The following MXD3 variants were observed in gnomAD, a reference collection of about 807,000 sequenced individuals.
MXD3 encodes the protein Max-associated protein 3.
A neutral mutation model predicts 27.5 loss-of-function variants in MXD3; 20 were observed. The ratio of observed to expected loss-of-function variants is 0.73; its 90% CI spans 0.51 to 1.06. MXD3 has a LOEUF of 1.06. MXD3 is among the 50% of genes least tolerant of loss of function. The probability of loss-of-function intolerance (pLI) is 0.00; values close to 1 mark genes in which losing one functional copy is unlikely to be tolerated. For synonymous variants in MXD3, 150 were observed against 130.7 expected (o/e 1.15, Z -1.01); for missense variants, 298 against 291.3 (o/e 1.02, Z -0.17).
upstream of MXD3, chr5:177,311,961 C>T: frequency 7.5e-7 from 1 of 1,332,374 alleles, no homozygotes. Context: ...ACGCCCCGCC[C>T]GCGGGAACGC....
In MXD3 at chr5:177,311,374, C is replaced by G. The variant is rs1162629816; in HGVS notation, c.176+5G>C. 1.4e-6 allele frequency: 2 copies of G among 1,438,824 alleles called. No homozygotes were observed. Among genetic ancestry groups the G allele is most frequent in the Admixed American group, 7.1e-5 (2 of 28,024 alleles). 89.1% of individuals were successfully genotyped at this position (1,438,824 alleles called of 1,614,324 possible). The stretch of plus-strand genomic sequence containing the variant: ...CCCCACTCCCGCCGCCCCCGGCCTC[C>G]TCACCGCCCGCTGTCCTGCGCGCCA... On this transcript the variant is annotated splice_donor_5th_base_variant and intron_variant, in intron 2 of 5. Coordinates refer to ENST00000439742, the MANE Select transcript of MXD3 (RefSeq NM_031300.4).
rs776603993 is a variant in MXD3 at position 177,310,524 on chromosome 5, G to A, written c.223C>T (p.Arg75Trp). ...TGCTGCTTCAGCCGCTCCAGGCACC[G>A]CTTCAACTGGGCCCTCCTGTGGGGA... ...LEKRRRAQLK[R>W]CLERLKQQMP... Residue 75 changes from arginine (R) to tryptophan (W), a missense_variant, in exon 4 of 6, where the codon CGG becomes TGG. Transcript: ENST00000439742. The A allele has an allele frequency of 1.3e-5, 21 of 1,611,058 alleles. No individual in the cohort carries two copies. Among genetic ancestry groups the A allele is most frequent in the Admixed American group, 1.0e-4 (6 of 59,622 alleles).
In MXD3 at chr5:177,311,058, C is replaced by A. The variant is rs959878631; in HGVS notation, c.176+321G>T. On this transcript the variant is annotated intron_variant, in intron 2 of 5. Coordinates refer to ENST00000439742, the MANE Select transcript of MXD3 (RefSeq NM_031300.4). Reference sequence around the variant, plus strand: ...AGGAGGGAACAGCATATGCAAAGGGCTGGGGAGAGGAGAGAAGAGGAGGAA... The same window carrying A: ...AGGAGGGAACAGCATATGCAAAGGGATGGGGAGAGGAGAGAAGAGGAGGAA... 25 of 545,528 alleles carry A rather than the reference C, an allele frequency of 4.6e-5. No individual in the cohort carries two copies. In the East Asian group the frequency reaches 7.3e-4, roughly 16 times the overall value. 33.8% of individuals were successfully genotyped at this position (545,528 alleles called of 1,614,324 possible). A position where few individuals can be genotyped will look rare whatever the true frequency, so the allele number is the denominator to read the frequency against.
downstream of MXD3, chr5:177,305,588 A>G (rs1267108038): frequency 2.3e-6 from 1 of 441,828 alleles, no homozygotes; most frequent in South Asian, 2.3e-5. Context: ...GTCTAGATGC[A>G]CAAAACAAAA....
chr5:177,305,837 G>C (rs531334175), downstream of MXD3: 18 of 1,582,658 alleles, frequency 1.1e-5, 1 homozygote, highest in South Asian at 1.8e-4. Flanking sequence ...CAAAATGAAA[G>C]ACTGTTCCAC....
downstream of MXD3, chr5:177,306,990 C>CTT: frequency 3.6e-6 from 5 of 1,381,670 alleles, no homozygotes; most frequent in Non-Finnish European, 4.8e-6. Context: ...TGGTTTGAAT[C>CTT]TTGGCTTCAC....
At chr5:177,308,342 C>T (rs1033025776) in intron 4 of MXD3, among the ~76,000 whole-genome samples, 1 of 151,800 alleles carries the variant, frequency 6.6e-6, no homozygotes. Context: ...GAAACAGGCC[C>T]GGTGTTACCA....
At chr5:177,306,100 A>G, downstream of MXD3, 5 of 1,611,782 alleles carry the variant, frequency 3.1e-6, no homozygotes, top group Middle Eastern at 1.7e-4. Flanking sequence ...CATGCCAGGA[A>G]TTTGGTCTTG....
At chr5:177,311,005 C>T (rs891429232) in intron 2 of MXD3, 2 of 576,144 alleles carry the variant, frequency 3.5e-6, no homozygotes, top group South Asian at 4.2e-5. Flanking sequence ...GTTTCCCAAG[C>T]CGGTACTGGA....
chr5:177,311,348 C>T (rs996639814), intron 2 of MXD3, 31 bp downstream of exon 2: 28 of 1,374,968 alleles, frequency 2.0e-5, no homozygotes, highest in Admixed American at 1.4e-4. Flanking sequence ...CCCACCCCCA[C>T]CCCCACTCCC....
upstream of MXD3, chr5:177,312,290 G>T (rs1159128744): frequency 1.0e-6 from 1 of 986,450 alleles, no homozygotes; most frequent in Non-Finnish European, 1.2e-6. Context: ...TGGGTGCCGC[G>T]GGGGCGGGGC....
At chr5:177,311,037 G>A in intron 2 of MXD3, 1 of 566,138 alleles carries the variant, frequency 1.8e-6, no homozygotes, top group Non-Finnish European at 3.1e-6. Context: ...TCAAATAGGA[G>A]GGAACAGCAT....
Position 177,311,456 on chromosome 5 carries a change from G to C in MXD3, c.99C>G (p.Cys33Trp). The change falls in exon 2 of 6, where the codon TGC becomes TGG. Residue 33 changes from cysteine (C) to tryptophan (W), a missense_variant. Physicochemically the swap from Cys to Trp is radical, Grantham distance 215. Transcript: ENST00000439742. ...GGATGGGGCCTGGACTGCGATGCGG[G>C]CACAGGGACGCATAACCATGCTCGG... ...REAEHGYASL[C>W]PHRSPGPIHR... is the part of the protein sequence containing the mutation. The C allele has an allele frequency of 7.0e-7, 1 of 1,432,572 alleles. No homozygotes were observed. The highest frequency in any genetic ancestry group is 9.1e-7 in the Non-Finnish European group (1 of 1,095,416). 88.7% of individuals were successfully genotyped at this position (1,432,572 alleles called of 1,614,324 possible).
chr5:177,312,397 G>A (rs1475316819), upstream of MXD3: 1 of 985,456 alleles, frequency 1.0e-6, no homozygotes, highest in Non-Finnish European at 1.2e-6. Context: ...CCTATTGGCT[G>A]GCGCTCTGCC....
In MXD3 at chr5:177,311,786, G is replaced by A. The variant is rs1316930489; in HGVS notation, c.45C>T (p.Ala15=). The change falls in exon 1 of 6, where the codon GCC becomes GCT. Residue 15 remains alanine, a synonymous_variant. Coordinates refer to ENST00000439742, the MANE Select transcript of MXD3 (RefSeq NM_031300.4). ...ASNIQVLLQA[A]EFLERREREA... is the part of the protein sequence containing the mutation. ...CTCTCTCACGGCGCTCCAGGAACTC[G>A]GCCGCCTGCAGCAGGACCTGGATGT... 12 of 1,613,072 alleles carry A rather than the reference G, an allele frequency of 7.4e-6. No individual in the cohort carries two copies. Among genetic ancestry groups the A allele is most frequent in the Non-Finnish European group, 1.0e-5 (12 of 1,179,632 alleles).
downstream of MXD3, chr5:177,306,664 CCTGTCTG>C (rs1278684525): frequency 3.3e-6 from 5 of 1,497,820 alleles, no homozygotes; most frequent in Middle Eastern, 3.4e-4. Flanking sequence ...AACTTCCAGC[CCTGTCTG>C]CTGTCTACGT....
chr5:177,311,925 A>C, upstream of MXD3: 2 of 1,432,518 alleles, frequency 1.4e-6, no homozygotes, highest in Non-Finnish European at 1.8e-6. Flanking sequence ...GGTGCAACAA[A>C]CACAGGGGCC....
chr5:177,312,411 C>A, upstream of MXD3: 2 of 984,822 alleles, frequency 2.0e-6, no homozygotes, highest in South Asian at 9.4e-5. Flanking sequence ...CTCTGCCCCG[C>A]CCTCTCCCGC....
chr5:177,310,553 G>C lies in MXD3; in HGVS notation c.207-13C>G. On this transcript the variant is annotated splice_polypyrimidine_tract_variant and intron_variant, in intron 3 of 5. Coordinates refer to ENST00000439742, the MANE Select transcript of MXD3 (RefSeq NM_031300.4). Reference sequence around the variant, plus strand: ...CAACTGGGCCCTCCTGTGGGGAAGAGGTCTGGAGGGCAGTGCCAGCCCCAC... The same window carrying C: ...CAACTGGGCCCTCCTGTGGGGAAGACGTCTGGAGGGCAGTGCCAGCCCCAC... 2 of 1,611,054 alleles carry C rather than the reference G, an allele frequency of 1.2e-6. No homozygotes were observed. Among genetic ancestry groups the C allele is most frequent in the East Asian group, 2.2e-5 (1 of 44,784 alleles).
Sources: allele counts gnomAD v4.1 joint callset (sites outside exome capture counted in the v4.1 genomes callset), GRCh38; gene constraint gnomAD v4.1.1; transcripts MANE v1.5; gene names NCBI Gene and HGNC (gene_info 2026-07-23, HGNC 2026-07-21).